Variants in KCNH8 observed in about 807,000 individuals in gnomAD.
The protein encoded by KCNH8 is potassium voltage-gated channel subfamily H member 8.
A neutral mutation model predicts 103.6 loss-of-function variants in KCNH8; 70 were observed. That is an observed-to-expected ratio of 0.68 (90% CI 0.56 to 0.82). The LOEUF (loss-of-function observed/expected upper bound fraction) is 0.82. KCNH8 is among the 40% of genes least tolerant of loss of function. KCNH8 has a pLI of 0.00. For synonymous variants in KCNH8, 498 were observed against 489.4 expected (o/e 1.02, Z -0.23); for missense variants, 1,217 against 1,329.9 (o/e 0.92, Z 1.32).
intron 1 of KCNH8, among the ~76,000 whole-genome samples, chr3:19,190,839 G>A (rs115455307): frequency 6.6e-6 from 1 of 151,804 alleles, no homozygotes; most frequent in Non-Finnish European, 1.5e-5. Context: ...CCTCAAACAC[G>A]AATCTCACGA....
At chr3:19,454,827 A>G (rs939323384) in intron 10 of KCNH8, among the ~76,000 whole-genome samples, 7 of 152,172 alleles carry the variant, frequency 4.6e-5, no homozygotes, top group African/African-American at 1.7e-4. Flanking sequence ...AAATTGCTGC[A>G]TGACCATTCT....
At chr3:19,484,229 T>C (rs2068154510) in intron 11 of KCNH8, among the ~76,000 whole-genome samples, 1 of 152,200 alleles carries the variant, frequency 6.6e-6, no homozygotes, top group Non-Finnish European at 1.5e-5. Context: ...CACATCTGGC[T>C]GGTCGTTTCC....
At chr3:19,373,557 C>A (rs1432544999) in intron 5 of KCNH8, among the ~76,000 whole-genome samples, 2 of 152,062 alleles carry the variant, frequency 1.3e-5, no homozygotes, top group Non-Finnish European at 2.9e-5. Flanking sequence ...TTTCAAAAAC[C>A]AGCTCCTGGA....
At chr3:19,530,790 C>T (rs1458660754) in intron 15 of KCNH8, among the ~76,000 whole-genome samples, 1 of 152,172 alleles carries the variant, frequency 6.6e-6, no homozygotes, top group Non-Finnish European at 1.5e-5. Flanking sequence ...TCTTTTTCTA[C>T]ATGATAATAT....
intron 1 of KCNH8, among the ~76,000 whole-genome samples, chr3:19,231,973 A>G (rs959534245): frequency 3.3e-5 from 5 of 152,218 alleles, no homozygotes; most frequent in African/African-American, 1.2e-4. Flanking sequence ...CCTGACACCA[A>G]AAGAGAATAC....
chr3:19,295,251 GTTCATACC>G (rs2064980684), intron 3 of KCNH8, among the ~76,000 whole-genome samples: 1 of 152,092 alleles, frequency 6.6e-6, no homozygotes, highest in South Asian at 2.1e-4. Context: ...TGGTGTGGCG[GTTCATACC>G]TGTGGTCCCA....
At chr3:19,329,513 G>GT (rs2065475410) in intron 3 of KCNH8, among the ~76,000 whole-genome samples, 1 of 130,478 alleles carries the variant, frequency 7.7e-6, no homozygotes, top group South Asian at 2.8e-4. Flanking sequence ...TATTTTTCTA[G>GT]GTTTTTTTCC....
chr3:19,518,130 GTT>G, intron 15 of KCNH8, 56 bp downstream of exon 15: 1 of 1,367,962 alleles, frequency 7.3e-7, no homozygotes, highest in Non-Finnish European at 1.0e-6. Flanking sequence ...ATAAATCCTA[GTT>G]ACTCGCAGAA....
chr3:19,227,404 A>C (rs111898759), intron 1 of KCNH8, among the ~76,000 whole-genome samples: 75 of 152,228 alleles, frequency 4.9e-4, no homozygotes, highest in Admixed American at 2.6e-4. Context: ...GAGAACTTTT[A>C]TTCCTCGAGG....
intron 1 of KCNH8, among the ~76,000 whole-genome samples, chr3:19,159,001 TG>T (rs1302450670): frequency 6.6e-6 from 1 of 151,986 alleles, no homozygotes; most frequent in African/African-American, 2.4e-5. Context: ...ATTATTTTAT[TG>T]TTTTTCTAAT....
chr3:19,450,416 C>A, intron 9 of KCNH8, 111 bp downstream of exon 9: 1 of 812,052 alleles, frequency 1.2e-6, no homozygotes, highest in Non-Finnish European at 2.1e-6. Flanking sequence ...CTTCTTTATT[C>A]CTTTACATTT....
At chr3:19,404,702 G>T (rs546578663) in intron 7 of KCNH8, among the ~76,000 whole-genome samples, 3 of 151,970 alleles carry the variant, frequency 2.0e-5, no homozygotes, top group South Asian at 2.1e-4. Context: ...AATGAAAAGA[G>T]ATTTATTTTT....
At chr3:19,426,850 C>T (rs577065375) in intron 7 of KCNH8, among the ~76,000 whole-genome samples, 43 of 152,232 alleles carry the variant, frequency 2.8e-4, no homozygotes, top group African/African-American at 9.1e-4. Flanking sequence ...TCATTCTATA[C>T]GTTTGCTCTT....
At chr3:19,365,997 G>A (rs761349604) in intron 5 of KCNH8, among the ~76,000 whole-genome samples, 3 of 151,948 alleles carry the variant, frequency 2.0e-5, no homozygotes, top group Non-Finnish European at 4.4e-5. Flanking sequence ...GGAATTATTG[G>A]GCCAAAGAAT....
intron 2 of KCNH8, among the ~76,000 whole-genome samples, chr3:19,260,280 G>A (rs1308302332): frequency 6.6e-6 from 1 of 150,876 alleles, no homozygotes; most frequent in Non-Finnish European, 1.5e-5. Flanking sequence ...AACACGCTAT[G>A]TTCATGCAAG....
At chr3:19,334,865 C>G (rs941233887) in intron 3 of KCNH8, among the ~76,000 whole-genome samples, 1 of 151,710 alleles carries the variant, frequency 6.6e-6, no homozygotes, top group Non-Finnish European at 1.5e-5. Context: ...TTTTCATATT[C>G]AAGGAAGAAA....
intron 1 of KCNH8, among the ~76,000 whole-genome samples, chr3:19,234,385 G>GGGA (rs2064035045): frequency 6.6e-6 from 1 of 152,214 alleles, no homozygotes; most frequent in African/African-American, 2.4e-5. Context: ...CGGAGTTGGG[G>GGGA]GGAGGCTCAG....
At chr3:19,245,074 AT>A (rs1346039524) in intron 1 of KCNH8, among the ~76,000 whole-genome samples, 1 of 152,132 alleles carries the variant, frequency 6.6e-6, no homozygotes, top group Non-Finnish European at 1.5e-5. Flanking sequence ...TTTCTTCAGG[AT>A]TTTTATAGTT....
At chr3:19,285,743 C>T (rs1021839676) in intron 3 of KCNH8, among the ~76,000 whole-genome samples, 1 of 151,716 alleles carries the variant, frequency 6.6e-6, no homozygotes, top group African/African-American at 2.4e-5. Flanking sequence ...TACACTCATG[C>T]AGCCCAACCT....
Sources: allele counts gnomAD v4.1 joint callset (sites outside exome capture counted in the v4.1 genomes callset), GRCh38; gene constraint gnomAD v4.1.1; transcripts MANE v1.5; gene names NCBI Gene and HGNC (gene_info 2026-07-23, HGNC 2026-07-21).